PARN: variants seen among roughly 807,000 people sequenced by gnomAD.
The protein encoded by PARN is poly(A)-specific ribonuclease PARN.
Under a neutral mutation model 102.8 loss-of-function variants are expected in PARN, and 71 were observed. The observed-to-expected ratio is 0.69, with a 90% confidence interval of 0.57 to 0.84. The LOEUF (loss-of-function observed/expected upper bound fraction) is 0.84, where lower values mean the gene tolerates loss of function less well. PARN is among the 40% of genes least tolerant of loss of function. PARN has a pLI of 0.00. For synonymous variants in PARN, 261 were observed against 252.9 expected (o/e 1.03, Z -0.30); for missense variants, 782 against 760.9 (o/e 1.03, Z -0.33).
At chr16:14,576,279 G>C (rs928582494) in intron 18 of PARN, 1 of 152,188 alleles carries the variant, frequency 6.6e-6, no homozygotes, top group Non-Finnish European at 1.5e-5. Flanking sequence ...GCGGAACCCT[G>C]TTCAGATTCA....
intron 18 of PARN, among the ~76,000 whole-genome samples, chr16:14,556,183 G>A (rs759702662): frequency 1.1e-4 from 17 of 150,562 alleles, no homozygotes; most frequent in South Asian, 6.3e-4. Context: ...ATTTTGAGAC[G>A]GAGTCTTATT....
intron 5 of PARN, among the ~76,000 whole-genome samples, chr16:14,623,468 C>T (rs1439669631): frequency 2.0e-5 from 3 of 151,202 alleles, no homozygotes; most frequent in South Asian, 2.1e-4. Flanking sequence ...GAGCCAAGAT[C>T]GCACCACTGC....
chr16:14,455,165 T>C (rs1961623922), intron 22 of PARN, among the ~76,000 whole-genome samples: 1 of 152,236 alleles, frequency 6.6e-6, no homozygotes, highest in African/African-American at 2.4e-5. Flanking sequence ...ATATTCCAAA[T>C]GTAGAAAAGC....
At chr16:14,616,331 C>A (rs577352888) in intron 6 of PARN, among the ~76,000 whole-genome samples, 33 of 152,336 alleles carry the variant, frequency 2.2e-4, no homozygotes, top group Middle Eastern at 3.4e-3. Flanking sequence ...GAACAAGACA[C>A]AATCCCTTCC....
At chr16:14,495,213 T>C (rs1043066121) in intron 21 of PARN, among the ~76,000 whole-genome samples, 1 of 152,050 alleles carries the variant, frequency 6.6e-6, no homozygotes, top group Admixed American at 6.6e-5. Flanking sequence ...AGGCCAGGCA[T>C]GGTGGCTCAT....
intron 21 of PARN, among the ~76,000 whole-genome samples, chr16:14,527,953 C>A (rs543421769): frequency 2.0e-5 from 3 of 152,158 alleles, no homozygotes; most frequent in Non-Finnish European, 4.4e-5. Flanking sequence ...ACATGTTGGG[C>A]AATACAAAAT....
intron 22 of PARN, among the ~76,000 whole-genome samples, chr16:14,471,448 T>A (rs908265888): frequency 1.3e-5 from 2 of 152,202 alleles, no homozygotes; most frequent in African/African-American, 4.8e-5. Flanking sequence ...TTCTCAACCA[T>A]CAAAAGAAAG....
intron 21 of PARN, among the ~76,000 whole-genome samples, chr16:14,535,593 G>C (rs1966573653): frequency 6.6e-6 from 1 of 152,112 alleles, no homozygotes; most frequent in South Asian, 2.1e-4. Context: ...ATTACAGTCA[G>C]CAACAAAAAC....
In PARN at chr16:14,629,644, T is replaced by C. The variant is rs766028291; in HGVS notation, c.50A>G (p.Gln17Arg). The change falls in exon 2 of 24, where the codon CAG becomes CGG. Residue 17 changes from glutamine to arginine, a missense_variant. Coordinates refer to ENST00000437198, the MANE Select transcript of PARN (RefSeq NM_002582.4). ...GAAGAAGTCGGCCTCCTCTATGGCCTGGTACACTTTGTGAAGATTACTCTT... is the reference window on the plus strand; with the variant it reads ...GAAGAAGTCGGCCTCCTCTATGGCCCGGTACACTTTGTGAAGATTACTCTT... ...NFKSNLHKVY[Q>R]AIEEADFFAI... The C allele has an allele frequency of 4.3e-6, 7 of 1,613,232 alleles. No individual in the cohort carries two copies. In the East Asian group the frequency reaches 1.6e-4, roughly 36 times the overall value.
At position 14,624,334 on chromosome 16, in the gene PARN, C is replaced by T. The variant is rs541468423; in HGVS notation, c.327+2772G>A. Among the ~76,000 whole-genome samples the T allele has an allele frequency of 1.0e-3, 156 of 152,258 alleles. 1 individual carries two copies. Among genetic ancestry groups the T allele is most frequent in the African/African-American group, 3.4e-3 (143 of 41,556 alleles). ...CCTTAAATGAGAGACCAAAGAAAATCCAAAAATACATTAACCTTTTCATAC... is the reference window on the plus strand; with the variant it reads ...CCTTAAATGAGAGACCAAAGAAAATTCAAAAATACATTAACCTTTTCATAC... On this transcript the variant is annotated intron_variant, in intron 5 of 23. Transcript: ENST00000437198.
rs34336313 is a variant in PARN at position 14,541,119 on chromosome 16, CTT to C, written c.1480+10900_1480+10901del. 1.2e-3 allele frequency among the ~76,000 whole-genome samples: 152 copies of C among 126,170 alleles called. 2 individuals are homozygous for C. The highest frequency in any genetic ancestry group is 2.4e-3 in the African/African-American group (85 of 34,828). The allele number at this position is 126,170 out of a possible 152,430, so 82.8% of individuals were successfully genotyped here. A position where few individuals can be genotyped will look rare whatever the true frequency, so the allele number is the denominator to read the frequency against. ...CAGCCTGGACATCATGGCGAAACAT[CTT>C]TTTTTTTTTTTTTTTTTAAAGCACA... On this transcript the variant is annotated intron_variant, in intron 21 of 23. Coordinates refer to ENST00000437198, the MANE Select transcript of PARN (RefSeq NM_002582.4).
At position 14,594,262 on chromosome 16, in the gene PARN, G is replaced by A. The variant is rs1008476966; in HGVS notation, c.841-884C>T. Among the ~76,000 whole-genome samples, 98 of 152,098 alleles carry A rather than the reference G, an allele frequency of 6.4e-4. 1 individual carries two copies. The highest frequency in any genetic ancestry group is 2.8e-4 in the Non-Finnish European group (19 of 68,018). On this transcript the variant is annotated intron_variant, in intron 12 of 23. Coordinates refer to ENST00000437198, the MANE Select transcript of PARN (RefSeq NM_002582.4). ...AAAAGTCACTGCCTTTCAGCCAACC[G>A]AAATACAATATATGTGCTGGCAGCC...
At chr16:14,518,861 CAAAT>C (rs1303084637) in intron 21 of PARN, among the ~76,000 whole-genome samples, 1 of 151,970 alleles carries the variant, frequency 6.6e-6, no homozygotes, top group Non-Finnish European at 1.5e-5. Context: ...TAAAAGAAAA[CAAAT>C]GAACCCAATG....
chr16:14,494,909 G>A (rs909536540), intron 21 of PARN, among the ~76,000 whole-genome samples: 9 of 152,308 alleles, frequency 5.9e-5, no homozygotes, highest in African/African-American at 1.7e-4. Context: ...ACAGGAATGG[G>A]GTAGATGGTG....
chr16:14,451,139 C>T (rs1309693604), intron 22 of PARN, among the ~76,000 whole-genome samples: 1 of 152,148 alleles, frequency 6.6e-6, no homozygotes, highest in African/African-American at 2.4e-5. Flanking sequence ...CCGTACTCTC[C>T]CACATGCCCG....
chr16:14,485,301 T>A (rs1292290781), intron 21 of PARN, among the ~76,000 whole-genome samples: 3 of 152,240 alleles, frequency 2.0e-5, no homozygotes, highest in African/African-American at 7.2e-5. Flanking sequence ...ATGTGTCATA[T>A]TTCTGTTATT....
chr16:14,502,457 G>C (rs1964673442), intron 21 of PARN, among the ~76,000 whole-genome samples: 1 of 152,226 alleles, frequency 6.6e-6, no homozygotes, highest in Non-Finnish European at 1.5e-5. Context: ...TTTATAACCA[G>C]CAGGAAGCTT....
At chr16:14,577,413 G>C (rs1466226074) in intron 18 of PARN, among the ~76,000 whole-genome samples, 1 of 151,640 alleles carries the variant, frequency 6.6e-6, no homozygotes, top group Admixed American at 6.6e-5. Flanking sequence ...TTTTCTTTTT[G>C]GTCTCCTCTT....
intron 6 of PARN, among the ~76,000 whole-genome samples, 169 bp downstream of exon 6, chr16:14,617,421 T>A (rs1971993370): frequency 6.6e-6 from 1 of 151,824 alleles, no homozygotes; most frequent in Admixed American, 6.6e-5. Flanking sequence ...TAAGCAAGTT[T>A]TTAAAAATTC....
Sources: gnomAD v4.1 joint callset for allele counts (sites outside exome capture counted in the v4.1 genomes callset) on GRCh38, gnomAD v4.1.1 for gene constraint, MANE v1.5 for transcripts, NCBI Gene and HGNC (gene_info 2026-07-23, HGNC 2026-07-21) for gene names.